VPS50: variants seen among roughly 807,000 people sequenced by gnomAD.
VPS50 encodes the protein syndetin.
In VPS50, 70 loss-of-function variants were observed where a neutral mutation model predicts 139.7. The observed-to-expected ratio is 0.50, with a 90% CI of 0.41 to 0.61. VPS50 has a LOEUF of 0.61. Ranked by LOEUF, VPS50 falls within the 20% of genes least tolerant of loss-of-function variation. The pLI is 0.00. For synonymous variants in VPS50, 365 were observed against 376.7 expected (o/e 0.97, Z 0.36); for missense variants, 921 against 1,133.7 (o/e 0.81, Z 2.69).
chr7:93,313,346 C>T (rs1797327721), intron 20 of VPS50, among the ~76,000 whole-genome samples: 1 of 152,104 alleles, frequency 6.6e-6, no homozygotes, highest in Admixed American at 6.5e-5. Flanking sequence ...CACATCTAAG[C>T]AGTTGTTTAT....
At chr7:93,264,036 A>G (rs777358772) in intron 9 of VPS50, among the ~76,000 whole-genome samples, 2 of 152,240 alleles carry the variant, frequency 1.3e-5, no homozygotes, top group African/African-American at 4.8e-5. Context: ...GTGCCATTTT[A>G]TATAAAGAAC....
intron 9 of VPS50, among the ~76,000 whole-genome samples, chr7:93,264,958 T>C (rs1386883174): frequency 2.0e-5 from 3 of 152,144 alleles, no homozygotes; most frequent in African/African-American, 7.2e-5. Context: ...TTTTAACTTG[T>C]TTTTCTCTGC....
chr7:93,288,361 ATGT>A (rs1562870247), intron 12 of VPS50, among the ~76,000 whole-genome samples: 1 of 152,164 alleles, frequency 6.6e-6, no homozygotes, highest in Non-Finnish European at 1.5e-5. Flanking sequence ...TGTATGAATA[ATGT>A]TCTACCAATC....
chr7:93,305,171 G>A (rs922273094), intron 17 of VPS50, among the ~76,000 whole-genome samples: 4 of 151,892 alleles, frequency 2.6e-5, no homozygotes, highest in Admixed American at 6.6e-5. Context: ...GCTGTGTGAT[G>A]TTGAACTTTG....
At chr7:93,292,574 T>G (rs549289394) in intron 13 of VPS50, among the ~76,000 whole-genome samples, 1 of 151,288 alleles carries the variant, frequency 6.6e-6, no homozygotes, top group African/African-American at 2.4e-5. Context: ...ACTGCACATC[T>G]TTTTTTTTGT....
chr7:93,287,130 G>A (rs962976700), intron 12 of VPS50, among the ~76,000 whole-genome samples: 9 of 150,794 alleles, frequency 6.0e-5, no homozygotes, highest in Non-Finnish European at 8.8e-5. Flanking sequence ...GAATCATCTT[G>A]TTTGCTGGTG....
intron 12 of VPS50, among the ~76,000 whole-genome samples, chr7:93,277,331 A>G (rs1465977477): frequency 6.6e-6 from 1 of 152,186 alleles, no homozygotes; most frequent in Admixed American, 6.5e-5. Context: ...GGTACTGTTT[A>G]CCATGATTTC....
At chr7:93,241,511 C>A (rs1286416412) in intron 2 of VPS50, among the ~76,000 whole-genome samples, 1 of 152,118 alleles carries the variant, frequency 6.6e-6, no homozygotes, top group South Asian at 2.1e-4. Context: ...TATAAGCTTA[C>A]ATTTAACCTT....
intron 3 of VPS50, 72 bp downstream of exon 3, chr7:93,252,847 CT>C: frequency 1.6e-6 from 2 of 1,216,526 alleles, no homozygotes; most frequent in Non-Finnish European, 2.3e-6. Flanking sequence ...GATTTGAATA[CT>C]TTTTTGAGGC....
At chr7:93,326,491 G>A (rs1324811612) in intron 21 of VPS50, among the ~76,000 whole-genome samples, 4 of 148,546 alleles carry the variant, frequency 2.7e-5, no homozygotes, top group Non-Finnish European at 6.0e-5. Context: ...ATACAGTATT[G>A]AAACCCAGAA....
chr7:93,276,352 T>A, intron 12 of VPS50, 47 bp downstream of exon 12: 1 of 1,545,812 alleles, frequency 6.5e-7, no homozygotes, highest in Non-Finnish European at 8.8e-7. Flanking sequence ...CTTTAGATTT[T>A]AAATTTATAT....
chr7:93,250,388 C>G (rs1041989081), intron 2 of VPS50, among the ~76,000 whole-genome samples: 14 of 152,036 alleles, frequency 9.2e-5, no homozygotes, highest in Non-Finnish European at 1.5e-4. Flanking sequence ...TAGAATGTCT[C>G]TATTTGAAAA....
intron 20 of VPS50, among the ~76,000 whole-genome samples, chr7:93,313,780 G>C (rs568516453): frequency 3.3e-5 from 5 of 152,110 alleles, no homozygotes. Context: ...GTAAAGTATG[G>C]CACAGTCCTG....
At chr7:93,282,116 A>C (rs780642759) in intron 12 of VPS50, among the ~76,000 whole-genome samples, 1 of 151,928 alleles carries the variant, frequency 6.6e-6, no homozygotes, top group African/African-American at 2.4e-5. Context: ...AGGCAGGAGA[A>C]TGACATGAAC....
intron 2 of VPS50, among the ~76,000 whole-genome samples, chr7:93,241,851 A>G (rs944488908): frequency 1.3e-5 from 2 of 152,034 alleles, no homozygotes; most frequent in African/African-American, 4.8e-5. Flanking sequence ...ATATATTTTA[A>G]TGATTTATTT....
At chr7:93,297,039 G>A in intron 15 of VPS50, 106 bp from the exon 16 acceptor site, 1 of 1,465,988 alleles carries the variant, frequency 6.8e-7, no homozygotes, top group South Asian at 1.5e-5. Flanking sequence ...TTTTTCACAT[G>A]TCCAAATTTT....
intron 17 of VPS50, among the ~76,000 whole-genome samples, chr7:93,305,055 T>A (rs972636158): frequency 2.6e-5 from 4 of 151,934 alleles, no homozygotes; most frequent in African/African-American, 9.7e-5. Flanking sequence ...GATTATTCTG[T>A]TTAGATAAAA....
intron 21 of VPS50, among the ~76,000 whole-genome samples, chr7:93,326,428 C>T (rs1490791346): frequency 7.0e-6 from 1 of 142,422 alleles, no homozygotes; most frequent in Non-Finnish European, 1.5e-5. Context: ...GCACATGTAC[C>T]CTAAAACTTA....
At chr7:93,292,876 G>T (rs1562872311) in intron 13 of VPS50, among the ~76,000 whole-genome samples, 1 of 152,068 alleles carries the variant, frequency 6.6e-6, no homozygotes, top group Non-Finnish European at 1.5e-5. Context: ...AGAAGGTTGG[G>T]CACACAGCCA....
Sources: allele counts gnomAD v4.1 joint callset (sites outside exome capture counted in the v4.1 genomes callset), GRCh38; gene constraint gnomAD v4.1.1; transcripts MANE v1.5; gene names NCBI Gene and HGNC (gene_info 2026-07-23, HGNC 2026-07-21).